GALNT13: variants seen among roughly 807,000 people sequenced by gnomAD.
GALNT13 encodes polypeptide N-acetylgalactosaminyltransferase 13.
A neutral mutation model predicts 64.2 loss-of-function variants in GALNT13; 28 were observed. The observed-to-expected ratio is 0.44, with a 90% CI of 0.32 to 0.60. The LOEUF (loss-of-function observed/expected upper bound fraction) is 0.60, where lower values mean the gene tolerates loss of function less well. Ranked by LOEUF, GALNT13 falls within the 20% of genes least tolerant of loss-of-function variation. The pLI, the probability that GALNT13 is intolerant of heterozygous loss-of-function variation, is 0.05. For synonymous variants in GALNT13, 214 were observed against 224.6 expected (o/e 0.95, Z 0.42); for missense variants, 577 against 669.8 (o/e 0.86, Z 1.53).
chr2:153,792,846 A>G, the GALNT13 span, among the ~76,000 whole-genome samples: 10 of 152,268 alleles, frequency 6.6e-5, no homozygotes, highest in East Asian at 1.9e-3. Context: ...AAAAAGTCGT[A>G]TTACAAATTT....
intron 9 of GALNT13, among the ~76,000 whole-genome samples, chr2:154,337,260 T>A (rs1406351162): frequency 6.6e-6 from 1 of 152,112 alleles, no homozygotes; most frequent in Non-Finnish European, 1.5e-5. Flanking sequence ...AATGTGGTCT[T>A]ACTGATTACA....
At chr2:154,320,919 G>A (rs1024688350) in intron 9 of GALNT13, among the ~76,000 whole-genome samples, 1 of 152,096 alleles carries the variant, frequency 6.6e-6, no homozygotes, top group African/African-American at 2.4e-5. Flanking sequence ...TCACCTTGTA[G>A]TAACTTTTCC....
intron 9 of GALNT13, among the ~76,000 whole-genome samples, chr2:154,321,305 T>C (rs1694611551): frequency 6.6e-6 from 1 of 152,154 alleles, no homozygotes; most frequent in South Asian, 2.1e-4. Context: ...GTCATGTGAC[T>C]CATGGTCTTT....
chr2:153,820,607 G>A, the GALNT13 span, among the ~76,000 whole-genome samples: 3 of 152,010 alleles, frequency 2.0e-5, no homozygotes, highest in Admixed American at 6.6e-5. Context: ...TTTATATTCC[G>A]CCAAAGTAAG....
At chr2:153,456,491 G>A in the GALNT13 span, among the ~76,000 whole-genome samples, 1 of 152,180 alleles carries the variant, frequency 6.6e-6, no homozygotes, top group Non-Finnish European at 1.5e-5. Context: ...GCTCAAGGGA[G>A]GGAGTGATGT....
intron 9 of GALNT13, among the ~76,000 whole-genome samples, chr2:154,313,333 C>T (rs1694150419): frequency 6.8e-6 from 1 of 147,682 alleles, no homozygotes; most frequent in South Asian, 2.1e-4. Flanking sequence ...TACATATACA[C>T]ACTATATATA....
chr2:153,143,854 C>A, the GALNT13 span, among the ~76,000 whole-genome samples: 1 of 152,014 alleles, frequency 6.6e-6, no homozygotes, highest in African/African-American at 2.4e-5. Flanking sequence ...ACTTTGTTAT[C>A]AACTCTACTG....
At chr2:153,484,837 T>C in the GALNT13 span, among the ~76,000 whole-genome samples, 15 of 152,176 alleles carry the variant, frequency 9.9e-5, 1 homozygote. Context: ...AGGATGGGGA[T>C]GGGGGATAAC....
At chr2:153,160,671 G>T in the GALNT13 span, among the ~76,000 whole-genome samples, 1 of 152,164 alleles carries the variant, frequency 6.6e-6, no homozygotes, top group African/African-American at 2.4e-5. Flanking sequence ...CATTTCAAAG[G>T]TAGACATCCA....
At chr2:153,719,637 T>C in the GALNT13 span, among the ~76,000 whole-genome samples, 1 of 152,148 alleles carries the variant, frequency 6.6e-6, no homozygotes, top group Non-Finnish European at 1.5e-5. Flanking sequence ...GGCAAGGCAT[T>C]GCCTCACCTG....
chr2:153,813,910 C>T, the GALNT13 span, among the ~76,000 whole-genome samples: 73 of 152,220 alleles, frequency 4.8e-4, no homozygotes, highest in African/African-American at 1.7e-3. Context: ...CAAATAGGGC[C>T]CAAAGATTCA....
intron 8 of GALNT13, among the ~76,000 whole-genome samples, chr2:154,270,972 G>T (rs917725613): frequency 6.6e-6 from 1 of 152,002 alleles, no homozygotes; most frequent in Non-Finnish European, 1.5e-5. Flanking sequence ...AAGCTTAAAT[G>T]TTGGTCAATT....
chr2:153,662,613 G>A, the GALNT13 span, among the ~76,000 whole-genome samples: 4 of 152,134 alleles, frequency 2.6e-5, no homozygotes, highest in African/African-American at 4.8e-5. Flanking sequence ...TGATTGAAAT[G>A]AGTCTTCTAT....
At chr2:154,251,342 A>G (rs1690059757) in intron 7 of GALNT13, among the ~76,000 whole-genome samples, 2 of 152,122 alleles carry the variant, frequency 1.3e-5, no homozygotes, top group Admixed American at 6.6e-5. Context: ...GGGTTTTATC[A>G]GGTCCTAGGA....
chr2:153,722,118 C>G, the GALNT13 span, among the ~76,000 whole-genome samples: 1 of 147,846 alleles, frequency 6.8e-6, no homozygotes, highest in Non-Finnish European at 1.5e-5. Flanking sequence ...TCTCAGACCA[C>G]AGTGCAATCA....
At chr2:153,566,348 GTT>G in the GALNT13 span, among the ~76,000 whole-genome samples, 4 of 74,804 alleles carry the variant, frequency 5.3e-5, no homozygotes, top group African/African-American at 2.5e-4. Flanking sequence ...TTCTAATCAC[GTT>G]TTTTTTTTTT....
chr2:154,406,304 C>A (rs759797307), intron 10 of GALNT13, among the ~76,000 whole-genome samples: 1 of 152,118 alleles, frequency 6.6e-6, no homozygotes, highest in Non-Finnish European at 1.5e-5. Context: ...ACTACAGTGG[C>A]CTTCTTCCTT....
the GALNT13 span, among the ~76,000 whole-genome samples, chr2:153,498,894 C>G: frequency 1.3e-5 from 2 of 151,864 alleles, no homozygotes; most frequent in Non-Finnish European, 2.9e-5. Flanking sequence ...TGTCACCAGG[C>G]TGGAGTGCAG....
At chr2:153,450,671 A>G in the GALNT13 span, among the ~76,000 whole-genome samples, 1 of 151,934 alleles carries the variant, frequency 6.6e-6, no homozygotes, top group African/African-American at 2.4e-5. Flanking sequence ...CGATGAACAC[A>G]TATCAGTCAG....
Sources: gnomAD v4.1 joint callset for allele counts (sites outside exome capture counted in the v4.1 genomes callset) on GRCh38, gnomAD v4.1.1 for gene constraint, MANE v1.5 for transcripts, NCBI Gene and HGNC (gene_info 2026-07-23, HGNC 2026-07-21) for gene names.